The following AGBL4 variants were observed in gnomAD, a reference collection of about 807,000 sequenced individuals.
The protein encoded by AGBL4 is cytosolic carboxypeptidase 6.
In AGBL4, 58 loss-of-function variants were observed where a neutral mutation model predicts 66.4. The observed-to-expected ratio is 0.87, with a 90% CI of 0.71 to 1.09. AGBL4 has a LOEUF of 1.09. Among genes scored for constraint, AGBL4 ranks in the 50% least tolerant of loss-of-function variants. The pLI is 0.00. For synonymous variants in AGBL4, 234 were observed against 222.9 expected, an observed-to-expected ratio of 1.05 and a Z score of -0.44; for missense variants, 579 against 631.0, an observed-to-expected ratio of 0.92 and a Z score of 0.88.
At chr1:49,057,175 T>C (rs1277018432) in intron 4 of AGBL4, among the ~76,000 whole-genome samples, 2 of 152,098 alleles carry the variant, frequency 1.3e-5, no homozygotes, top group African/African-American at 4.8e-5. Flanking sequence ...TCAAGGCAGG[T>C]GGATCCCTTG....
chr1:48,545,526 T>C (rs1644145054), intron 11 of AGBL4, among the ~76,000 whole-genome samples: 1 of 152,202 alleles, frequency 6.6e-6, no homozygotes, highest in Non-Finnish European at 1.5e-5. Flanking sequence ...GGAATGCTTT[T>C]CATTGTATTG....
In AGBL4 at chr1:49,555,066, T is replaced by C. The variant is rs573873167; in HGVS notation, c.282+142247A>G. 1.2e-4 allele frequency among the ~76,000 whole-genome samples: 19 copies of C among 152,326 alleles called. No homozygotes were observed. The South Asian group carries it at 3.7e-3, about 30-fold the overall frequency. On this transcript the variant is annotated intron_variant, in intron 3 of 13. Transcript: ENST00000371839. ...GAAGGGGAACCGAGTGGGTTGCCACTGCTGGCTCTCTGGCAGCCTGCTTTT... is the reference window on the plus strand; with the variant it reads ...GAAGGGGAACCGAGTGGGTTGCCACCGCTGGCTCTCTGGCAGCCTGCTTTT...
chr1:49,799,270 A>G (rs554184911), intron 2 of AGBL4, among the ~76,000 whole-genome samples: 1 of 152,272 alleles, frequency 6.6e-6, no homozygotes, highest in Admixed American at 6.5e-5. Context: ...ATAACTTTAT[A>G]TGTCAAGGTT....
chr1:48,753,343 C>G (rs78109781), intron 6 of AGBL4, among the ~76,000 whole-genome samples: 5 of 152,196 alleles, frequency 3.3e-5, no homozygotes, highest in Non-Finnish European at 7.3e-5. Flanking sequence ...TAAATTAAGA[C>G]AGCTGAGATT....
chr1:49,257,394 C>G (rs1296083255), intron 3 of AGBL4: 1 of 161,334 alleles, frequency 6.2e-6, no homozygotes, highest in Non-Finnish European at 1.3e-5. Flanking sequence ...CCTCCCCCAG[C>G]CTCGCTGCCG....
At chr1:49,029,598 A>C (rs140496540) in intron 5 of AGBL4, among the ~76,000 whole-genome samples, 2,336 of 152,300 alleles carry the variant, frequency 0.015, 56 homozygotes, top group African/African-American at 0.052. Context: ...TGATATGGCA[A>C]TATTCTCCAC....
At chr1:49,564,367 A>C (rs894830638) in intron 3 of AGBL4, among the ~76,000 whole-genome samples, 8 of 151,478 alleles carry the variant, frequency 5.3e-5, no homozygotes, top group African/African-American at 1.7e-4. Context: ...TGTGTTTGCT[A>C]TTGCTTCTCT....
chr1:48,992,341 C>T (rs1660660774), intron 5 of AGBL4, among the ~76,000 whole-genome samples: 1 of 152,044 alleles, frequency 6.6e-6, no homozygotes, highest in Non-Finnish European at 1.5e-5. Context: ...TCCTTCCAAT[C>T]AAATGGAGTC....
At position 48,549,847 on chromosome 1, in the gene AGBL4, C is replaced by A. The variant is rs190989239; in HGVS notation, c.1268-10109G>T. 4.0e-5 allele frequency among the ~76,000 whole-genome samples: 6 copies of A among 151,832 alleles called. No homozygotes were observed. In the East Asian group the frequency reaches 1.2e-3, roughly 29 times the overall value. On this transcript the variant is annotated intron_variant, in intron 11 of 13. Coordinates refer to ENST00000371839, the MANE Select transcript of AGBL4 (RefSeq NM_032785.4). Reference sequence around the variant, plus strand: ...GAGGGGAGAAAGGCAAAAGATAAGACAGAAAGAGACAAAAGAAAAAAATGC... The same window carrying A: ...GAGGGGAGAAAGGCAAAAGATAAGAAAGAAAGAGACAAAAGAAAAAAATGC...
Position 48,634,483 on chromosome 1 carries a change from A to G in AGBL4, c.951+10T>C. 1.3e-6 allele frequency: 2 copies of G among 1,580,068 alleles called. No homozygotes were observed. Among genetic ancestry groups the G allele is most frequent in the Non-Finnish European group, 1.7e-6 (2 of 1,160,114 alleles). Reference sequence around the variant, plus strand: ...AGATCAGCAGCTGTGGAGGGCATTCAGTTACTTACTGGGTCGTTGTACATC... The same window carrying G: ...AGATCAGCAGCTGTGGAGGGCATTCGGTTACTTACTGGGTCGTTGTACATC... On this transcript the variant is annotated intron_variant, in intron 9 of 13. Transcript: ENST00000371839.
At chr1:49,560,462 T>G (rs1644011622) in intron 3 of AGBL4, among the ~76,000 whole-genome samples, 1 of 151,998 alleles carries the variant, frequency 6.6e-6, no homozygotes, top group South Asian at 2.1e-4. Context: ...GAAGCACACC[T>G]AAAGATTCTA....
In AGBL4 at chr1:49,881,676, A is replaced by C. The variant is rs1647327138; in HGVS notation, c.35-30158T>G. 5.3e-5 allele frequency among the ~76,000 whole-genome samples: 8 copies of C among 150,596 alleles called. No homozygotes were observed. In the South Asian group the frequency reaches 1.7e-3, roughly 32 times the overall value. ...TTTTTCATGTGTTTTTTGGCTGCAT[A>C]AATGTCTTCTTTTGAGAAGTGTCTG... On this transcript the variant is annotated intron_variant, in intron 1 of 13. Coordinates refer to ENST00000371839, the MANE Select transcript of AGBL4 (RefSeq NM_032785.4).
chr1:49,766,246 C>A (rs1029260141), intron 2 of AGBL4, among the ~76,000 whole-genome samples: 1 of 152,128 alleles, frequency 6.6e-6, no homozygotes, highest in African/African-American at 2.4e-5. Flanking sequence ...GACATCTCAT[C>A]AGAAACCTTA....
At chr1:49,300,751 G>T (rs1644730472) in intron 3 of AGBL4, among the ~76,000 whole-genome samples, 1 of 152,110 alleles carries the variant, frequency 6.6e-6, no homozygotes, top group African/African-American at 2.4e-5. Context: ...TTCCATGCCT[G>T]TGCTCTAATT....
Position 49,250,720 on chromosome 1 carries a change from C to T in AGBL4, c.283-4856G>A, listed in dbSNP as rs376234104. Among the ~76,000 whole-genome samples the T allele has an allele frequency of 1.2e-4, 19 of 152,200 alleles. 1 individual carries two copies. In the East Asian group the frequency reaches 1.4e-3, roughly 11 times the overall value. On this transcript the variant is annotated intron_variant, in intron 3 of 13. Coordinates refer to ENST00000371839, the MANE Select transcript of AGBL4 (RefSeq NM_032785.4). ...CCTCCCAAAGGGCTGGGATTACAGG[C>T]GTGAGCCACTGTGGCTAGCACAGAA...
intron 7 of AGBL4, among the ~76,000 whole-genome samples, chr1:48,655,072 T>C (rs916061073): frequency 1.6e-4 from 24 of 152,332 alleles, no homozygotes; most frequent in Admixed American, 1.4e-3. Flanking sequence ...ATGGAGTAGC[T>C]CATTGTGATC....
At chr1:48,781,127 T>C (rs376172411) in intron 6 of AGBL4, among the ~76,000 whole-genome samples, 6 of 152,192 alleles carry the variant, frequency 3.9e-5, no homozygotes, top group African/African-American at 1.2e-4. Context: ...CCCATGTCAC[T>C]GTAAATCATT....
At chr1:49,928,239 T>A in intron 1 of AGBL4, among the ~76,000 whole-genome samples, 1 of 152,060 alleles carries the variant, frequency 6.6e-6, no homozygotes, top group Non-Finnish European at 1.5e-5. Flanking sequence ...ACCTTTTTTA[T>A]TTTTTATTTT....
At chr1:49,549,548 T>C (rs1378889499) in intron 3 of AGBL4, among the ~76,000 whole-genome samples, 2 of 152,206 alleles carry the variant, frequency 1.3e-5, no homozygotes, top group Admixed American at 6.5e-5. Flanking sequence ...CCAATGCTCA[T>C]TCAGGAGCAG....
Sources: allele counts gnomAD v4.1 joint callset (sites outside exome capture counted in the v4.1 genomes callset), GRCh38; gene constraint gnomAD v4.1.1; transcripts MANE v1.5; gene names NCBI Gene and HGNC (gene_info 2026-07-23, HGNC 2026-07-21).